The following TENM1 variants were observed in gnomAD, a reference collection of about 807,000 sequenced individuals.
TENM1 encodes teneurin transmembrane protein 1.
In TENM1, 35 loss-of-function variants were observed where a neutral mutation model predicts 174.8. That is an observed-to-expected ratio of 0.20 (90% CI 0.15 to 0.27). TENM1 has a LOEUF of 0.27. Among genes scored for constraint, TENM1 ranks in the 10% least tolerant of loss-of-function variants. The pLI is 1.00. For missense variants in TENM1, 1,633 were observed against 2,130.1 expected (o/e 0.77, Z 4.59); for synonymous variants, 781 against 798.7 (o/e 0.98, Z 0.37).
rs190099042 is a variant in TENM1 at position 124,438,210 on chromosome X, G to C, written c.4104+15127C>G. ...CCCAAAGTGGTGGGATTACAGGCTT[G>C]AGCCACTGTGCCTGGCCTCTGACTG... is the stretch of plus-strand genomic sequence containing the variant. On this transcript the variant is annotated intron_variant, in intron 23 of 31. Transcript: ENST00000422452. Among the ~76,000 whole-genome samples, 28 of 111,543 alleles carry C rather than the reference G, an allele frequency of 2.5e-4. No individual in the cohort carries two copies. In the East Asian group the frequency reaches 6.0e-3, roughly 24 times the overall value.
At chrX:124,422,410 G>A in exon 24 of TENM1, 1 of 1,211,618 alleles carries the variant, frequency 8.3e-7, no homozygotes, top group Non-Finnish European at 1.1e-6. Context: ...ATGAAGAGCA[G>A]CCCGCTGTGG....
chrX:125,118,235 C>T, the TENM1 span, among the ~76,000 whole-genome samples: 2 of 110,389 alleles, frequency 1.8e-5, no homozygotes, highest in East Asian at 2.9e-4. Flanking sequence ...GGAGAGTGAG[C>T]GGGGAGTGAG....
At chrX:125,018,645 G>A in the TENM1 span, among the ~76,000 whole-genome samples, 1 of 111,031 alleles carries the variant, frequency 9.0e-6, no homozygotes, top group African/African-American at 3.3e-5. Context: ...TTAAATTATG[G>A]ACCTTAGAGA....
At chrX:124,534,613 G>A (rs2048171316) in intron 15 of TENM1, among the ~76,000 whole-genome samples, 1 of 112,194 alleles carries the variant, frequency 8.9e-6, no homozygotes, top group Non-Finnish European at 1.9e-5. Context: ...AGGAGCATAA[G>A]CAGCCTTTGA....
intron 27 of TENM1, 31 bp downstream of exon 30, chrX:124,405,000 G>T (rs1324298255): frequency 4.3e-6 from 5 of 1,150,612 alleles, no homozygotes. Flanking sequence ...ACCTATAAAA[G>T]TTCTATATCT....
intron 22 of TENM1, among the ~76,000 whole-genome samples, chrX:124,475,298 G>A (rs2061375300): frequency 1.8e-5 from 2 of 111,246 alleles, no homozygotes; most frequent in Admixed American, 9.6e-5. Flanking sequence ...CTTCCTTCCA[G>A]TTTCCTCCAT....
At chrX:124,547,681 C>T (rs2048462559) in intron 14 of TENM1, among the ~76,000 whole-genome samples, 1 of 111,808 alleles carries the variant, frequency 8.9e-6, no homozygotes, top group African/African-American at 3.3e-5. Context: ...TGAGCTCCAC[C>T]TACTGACTCA....
In TENM1 at chrX:124,420,195, G is replaced by A. The variant is rs1444411307; in HGVS notation, c.4982+116C>T. 5 of 853,213 alleles carry A rather than the reference G, an allele frequency of 5.9e-6. No homozygotes were observed. The African/African-American group carries it at 6.1e-5, about 10-fold the overall frequency. The allele number at this position is 853,213 out of a possible 1,213,427, so 70.3% of individuals were successfully genotyped here. On this transcript the variant is annotated intron_variant, in intron 25 of 31. Coordinates refer to ENST00000422452, the Ensembl canonical transcript of TENM1. ...CCTTGACTTTTCATTTTTTAAAATGGTGGTTGTTAGGAGAAAACAGCATGC... is the reference window on the plus strand; with the variant it reads ...CCTTGACTTTTCATTTTTTAAAATGATGGTTGTTAGGAGAAAACAGCATGC...
chrX:124,930,410 A>C (rs1238285493), intron 1 of TENM1, among the ~76,000 whole-genome samples: 6 of 111,597 alleles, frequency 5.4e-5, no homozygotes, highest in Non-Finnish European at 7.5e-5. Flanking sequence ...GAAAGCCCTT[A>C]AGCTCACACC....
intron 3 of TENM1, among the ~76,000 whole-genome samples, chrX:124,828,385 A>G (rs756339420): frequency 8.9e-6 from 1 of 112,572 alleles, no homozygotes; most frequent in South Asian, 3.7e-4. Flanking sequence ...TACTCCTAGT[A>G]TAGTTGTTAT....
chrX:124,881,141 G>A (rs1475783418), intron 3 of TENM1, among the ~76,000 whole-genome samples: 2 of 111,853 alleles, frequency 1.8e-5, no homozygotes. Flanking sequence ...AAAATTGTCA[G>A]TGAAACCATT....
chrX:125,006,321 C>G, the TENM1 span, among the ~76,000 whole-genome samples: 62 of 111,861 alleles, frequency 5.5e-4, no homozygotes, highest in Non-Finnish European at 4.3e-4. Context: ...CTAGATTCCC[C>G]CTCATTAGGC....
intron 3 of TENM1, among the ~76,000 whole-genome samples, chrX:124,809,843 G>GGGGAGAGAGAGAGAGA (rs1556343852): frequency 2.5e-5 from 2 of 78,674 alleles, no homozygotes; most frequent in African/African-American, 1.0e-4. Flanking sequence ...CATGACAGCA[G>GGGGAGAGAGAGAGAGA]GAGAGAGAGA....
the TENM1 span, among the ~76,000 whole-genome samples, chrX:125,098,636 C>T: frequency 8.9e-6 from 1 of 111,890 alleles, no homozygotes; most frequent in Non-Finnish European, 1.9e-5. Flanking sequence ...CATCTTTCTC[C>T]CTATATCTTT....
intron 16 of TENM1, among the ~76,000 whole-genome samples, chrX:124,524,258 C>T (rs2047923072): frequency 9.0e-6 from 1 of 111,673 alleles, no homozygotes; most frequent in Non-Finnish European, 1.9e-5. Flanking sequence ...ACAGCTGCTC[C>T]CCTTATGCTA....
chrX:124,380,939 C>G (rs369053298), exon 32 of TENM1: 8 of 1,209,792 alleles, frequency 6.6e-6, no homozygotes, highest in South Asian at 5.3e-5. Flanking sequence ...CCGCCTCCCC[C>G]CAGTGTTACC....
chrX:124,525,293 C>G lies in TENM1; in HGVS notation c.2772-1668G>C, dbSNP rs2047948856. Among the ~76,000 whole-genome samples the G allele has an allele frequency of 2.7e-5, 3 of 111,413 alleles. No individual in the cohort carries two copies. In the Admixed American group the frequency reaches 2.9e-4, roughly 11 times the overall value. ...TACAGAAAATAATTTAGGTTTGAAC[C>G]AAAAGAAAAAAGAAAACACAAACGG... On this transcript the variant is annotated intron_variant, in intron 16 of 31. Transcript: ENST00000422452.
intron 22 of TENM1, among the ~76,000 whole-genome samples, chrX:124,460,576 C>T (rs913965885): frequency 3.6e-5 from 4 of 109,704 alleles, no homozygotes; most frequent in Admixed American, 9.8e-5. Flanking sequence ...TGGGGCCTAT[C>T]GGATAGTGGA....
the TENM1 span, among the ~76,000 whole-genome samples, chrX:125,189,288 A>G: frequency 1.8e-5 from 2 of 111,754 alleles, no homozygotes; most frequent in Admixed American, 9.5e-5. Context: ...CTCACCCTTT[A>G]TCTCTCTATT....
Sources: gnomAD v4.1 joint callset for allele counts (sites outside exome capture counted in the v4.1 genomes callset) on GRCh38, gnomAD v4.1.1 for gene constraint, MANE v1.5 for transcripts, NCBI Gene and HGNC (gene_info 2026-07-23, HGNC 2026-07-21) for gene names.